VWC2L: variants seen among roughly 807,000 people sequenced by gnomAD.
VWC2L encodes the protein von Willebrand factor C domain-containing protein 2-like.
VWC2L carries 10 observed loss-of-function variants against 21.6 expected under a neutral mutation model. That is an observed-to-expected ratio of 0.46 (90% CI 0.29 to 0.78). VWC2L has a LOEUF of 0.78. Among genes scored for constraint, VWC2L ranks in the 30% least tolerant of loss-of-function variants. The pLI is 0.10. For synonymous variants in VWC2L, 96 were observed against 94.3 expected (o/e 1.02, Z -0.10); for missense variants, 209 against 277.1 (o/e 0.75, Z 1.74).
intron 3 of VWC2L, among the ~76,000 whole-genome samples, chr2:214,533,712 C>G (rs969372469): frequency 2.6e-5 from 4 of 152,092 alleles, no homozygotes; most frequent in African/African-American, 9.7e-5. Context: ...TTTCCCTAGT[C>G]ATAAACACAG....
intron 3 of VWC2L, among the ~76,000 whole-genome samples, chr2:214,569,475 T>C (rs1690117338): frequency 6.6e-6 from 1 of 152,178 alleles, no homozygotes; most frequent in Non-Finnish European, 1.5e-5. Flanking sequence ...AATTTTAGCA[T>C]TTTCTGATTT....
chr2:214,435,001 T>G (rs1702657770), intron 2 of VWC2L, among the ~76,000 whole-genome samples: 1 of 152,172 alleles, frequency 6.6e-6, no homozygotes, highest in South Asian at 2.1e-4. Flanking sequence ...TCCAAGTCTT[T>G]GCTGCATTTC....
At chr2:214,463,767 C>T (rs2126189730) in intron 3 of VWC2L, among the ~76,000 whole-genome samples, 1 of 152,216 alleles carries the variant, frequency 6.6e-6, no homozygotes, top group Admixed American at 6.5e-5. Flanking sequence ...CATTTGACCT[C>T]CTTGTAAAGG....
chr2:214,553,672 T>C (rs1689831090), intron 3 of VWC2L, among the ~76,000 whole-genome samples: 3 of 152,206 alleles, frequency 2.0e-5, no homozygotes, highest in Admixed American at 6.5e-5. Flanking sequence ...TTAATGTCTC[T>C]ATATTGATGT....
chr2:214,566,329 C>T (rs990954617), intron 3 of VWC2L, among the ~76,000 whole-genome samples: 10 of 152,126 alleles, frequency 6.6e-5, no homozygotes, highest in African/African-American at 2.4e-4. Flanking sequence ...GAGCAGCCAA[C>T]CTTTACTTCT....
At chr2:214,513,601 C>G (rs750171284) in intron 3 of VWC2L, among the ~76,000 whole-genome samples, 1 of 152,030 alleles carries the variant, frequency 6.6e-6, no homozygotes, top group Non-Finnish European at 1.5e-5. Flanking sequence ...GTGGCCATAT[C>G]TGTTATTCAT....
intron 3 of VWC2L, among the ~76,000 whole-genome samples, chr2:214,514,230 T>G (rs997567674): frequency 2.0e-5 from 3 of 151,782 alleles, no homozygotes; most frequent in Admixed American, 6.6e-5. Flanking sequence ...TAAAATCATC[T>G]AACAGTAATC....
chr2:214,448,505 A>T (rs1232713766), intron 3 of VWC2L, among the ~76,000 whole-genome samples: 1 of 152,200 alleles, frequency 6.6e-6, no homozygotes, highest in East Asian at 1.9e-4. Context: ...TAGCCTGCAC[A>T]TATTAACTGA....
intron 2 of VWC2L, 96 bp from the exon 3 acceptor site, chr2:214,436,533 A>G: frequency 2.1e-6 from 3 of 1,456,700 alleles, no homozygotes; most frequent in Non-Finnish European, 2.8e-6. Flanking sequence ...AGTAAAGCCA[A>G]TATAATAAGC....
In VWC2L at chr2:214,451,378, A is replaced by T. The variant is rs186365933; in HGVS notation, c.520+14620A>T. Among the ~76,000 whole-genome samples, 1,285 of 151,458 alleles carry T rather than the reference A, an allele frequency of 8.5e-3. 15 individuals carry two copies. The highest frequency in any genetic ancestry group is 0.012 in the Non-Finnish European group (832 of 67,874). ...CTACCTGTGAGAATGTTCTACTAAG[A>T]TAAGAAGAAAGATAAGGCTGGAAAG... is the stretch of plus-strand genomic sequence containing the variant. On this transcript the variant is annotated intron_variant, in intron 3 of 3. Coordinates refer to ENST00000312504, the MANE Select transcript of VWC2L (RefSeq NM_001080500.4).
At chr2:214,561,553 A>G (rs1470598470) in intron 3 of VWC2L, among the ~76,000 whole-genome samples, 2 of 151,984 alleles carry the variant, frequency 1.3e-5, no homozygotes, top group South Asian at 2.1e-4. Flanking sequence ...AGATGGGCCA[A>G]TTGCTCGAAT....
In VWC2L at chr2:214,414,286, T is replaced by C; in HGVS notation, c.93T>C (p.Ala31=). Residue 31 remains alanine, a synonymous_variant, in exon 2 of 4, where the codon GCT becomes GCC. Coordinates refer to ENST00000312504, the MANE Select transcript of VWC2L (RefSeq NM_001080500.4). The stretch of plus-strand genomic sequence containing the variant: ...CTATCAGTCATGAAGACTATCCTGC[T>C]GATGAAGGTGACCAGATCTCCAGTA... ...SAAISHEDYP[A]DEGDQISSND... is the part of the protein sequence containing the mutation. 6.2e-7 allele frequency: 1 copy of C among 1,613,910 alleles called. No individual in the cohort carries two copies. Among genetic ancestry groups the C allele is most frequent in the Non-Finnish European group, 8.5e-7 (1 of 1,179,844 alleles).
intron 3 of VWC2L, among the ~76,000 whole-genome samples, chr2:214,440,588 C>T (rs1479422514): frequency 6.6e-6 from 1 of 151,978 alleles, no homozygotes; most frequent in Non-Finnish European, 1.5e-5. Context: ...ACATTGGAAA[C>T]TGACCATAAA....
chr2:214,448,491 A>C (rs2126183569), intron 3 of VWC2L, among the ~76,000 whole-genome samples: 1 of 152,308 alleles, frequency 6.6e-6, no homozygotes, highest in South Asian at 2.1e-4. Flanking sequence ...TTTCCCACTA[A>C]GATTAGCCTG....
chr2:214,549,354 G>T (rs1689756919), intron 3 of VWC2L, among the ~76,000 whole-genome samples: 2 of 152,094 alleles, frequency 1.3e-5, no homozygotes, highest in African/African-American at 4.8e-5. Flanking sequence ...ATACCAAAGG[G>T]GACACAAATA....
intron 3 of VWC2L, among the ~76,000 whole-genome samples, chr2:214,550,834 G>T (rs573493232): frequency 3.5e-4 from 53 of 152,254 alleles, no homozygotes; most frequent in African/African-American, 1.2e-3. Flanking sequence ...TTAGTGTCAT[G>T]TCACTTTCCT....
chr2:214,467,235 T>C (rs1243440096), intron 3 of VWC2L, among the ~76,000 whole-genome samples: 2 of 152,202 alleles, frequency 1.3e-5, no homozygotes, highest in African/African-American at 2.4e-5. Context: ...CCCAGTCCTA[T>C]ACCCTGTTGG....
chr2:214,431,513 G>A (rs576707037), intron 2 of VWC2L, among the ~76,000 whole-genome samples: 8 of 152,100 alleles, frequency 5.3e-5, no homozygotes, highest in African/African-American at 1.9e-4. Context: ...GGGTTAGGAG[G>A]TATAAACTTG....
intron 3 of VWC2L, among the ~76,000 whole-genome samples, chr2:214,491,979 G>A (rs1450146291): frequency 1.3e-5 from 2 of 152,176 alleles, no homozygotes; most frequent in Admixed American, 6.5e-5. Context: ...ATGTTAAGGA[G>A]AGGAGCATTG....
Sources: gnomAD v4.1 joint callset for allele counts (sites outside exome capture counted in the v4.1 genomes callset) on GRCh38, gnomAD v4.1.1 for gene constraint, MANE v1.5 for transcripts, NCBI Gene and HGNC (gene_info 2026-07-23, HGNC 2026-07-21) for gene names.